Variants in INTS1 observed in about 807,000 individuals in gnomAD.
INTS1 encodes integrator complex subunit 1.
Under a neutral mutation model 241.6 loss-of-function variants are expected in INTS1, and 137 were observed. The ratio of observed to expected loss-of-function variants is 0.57; its 90% CI spans 0.49 to 0.65. The LOEUF is 0.65. Among genes scored for constraint, INTS1 ranks in the 30% least tolerant of loss-of-function variants. The probability of loss-of-function intolerance (pLI) is 0.00; values close to 1 mark genes in which losing one functional copy is unlikely to be tolerated. For missense variants in INTS1, 3,073 were observed against 3,032.2 expected (o/e 1.01, Z -0.32); for synonymous variants, 1,692 against 1,337.8 (o/e 1.26, Z -5.78).
chr7:1,490,590 G>C (rs1008954959), intron 16 of INTS1, among the ~76,000 whole-genome samples: 1 of 152,242 alleles, frequency 6.6e-6, no homozygotes, highest in Non-Finnish European at 1.5e-5. Context: ...TCTGGATAAA[G>C]GGAAATCCTC....
At position 1,470,337 on chromosome 7, in the gene INTS1, C is replaced by CCG. The variant is rs1468648601; in HGVS notation, c.*238_*239dup. 3 of 476,370 alleles carry CCG rather than the reference C, an allele frequency of 6.3e-6. No homozygotes were observed. The highest frequency in any genetic ancestry group is 6.1e-5 in the African/African-American group (3 of 48,940). The allele number at this position is 476,370 out of a possible 1,614,324, so 29.5% of individuals were successfully genotyped here. A position where few individuals can be genotyped will look rare whatever the true frequency, so the allele number is the denominator to read the frequency against. Reference sequence around the variant, plus strand: ...GCCATGCCCGGGGGGATCCGCCGCTCCGCGGCAGGGCTGTGGCCCAGAAGG... The same window carrying CCG: ...GCCATGCCCGGGGGGATCCGCCGCTCCGCGCGGCAGGGCTGTGGCCCAGAAGG... On this transcript the variant is annotated 3_prime_UTR_variant, in exon 48 of 48. Transcript: ENST00000404767.
rs1584251059 is a variant in INTS1 at position 1,470,392 on chromosome 7, T to C, written c.*185A>G. On this transcript the variant is annotated 3_prime_UTR_variant, in exon 48 of 48. Transcript: ENST00000404767. ...TGAGGGCTTGCTGGACGGCCCCTGA[T>C]GCCAGCGGCCGGCCCGGAGCCACCC... 2 of 526,288 alleles carry C rather than the reference T, an allele frequency of 3.8e-6. No individual in the cohort carries two copies. Among genetic ancestry groups the C allele is most frequent in the African/African-American group, 4.0e-5 (2 of 49,932 alleles). The allele number at this position is 526,288 out of a possible 1,614,324, so 32.6% of individuals were successfully genotyped here. A position where few individuals can be genotyped will look rare whatever the true frequency, so the allele number is the denominator to read the frequency against.
intron 16 of INTS1, among the ~76,000 whole-genome samples, chr7:1,492,676 C>T (rs1347978559): frequency 2.0e-5 from 3 of 152,206 alleles, no homozygotes; most frequent in Non-Finnish European, 4.4e-5. Flanking sequence ...AAAGGTATGA[C>T]TGAGCTGGAG....
intron 41 of INTS1, 48 bp from the exon 42 acceptor site, chr7:1,473,741 A>G (rs772644452): frequency 6.2e-7 from 1 of 1,607,912 alleles, no homozygotes; most frequent in South Asian, 1.1e-5. Context: ...CCGCAGGGCC[A>G]AAACAGAGCC....
Position 1,493,692 on chromosome 7 carries a change from G to A in INTS1, c.2068+62C>T. On this transcript the variant is annotated intron_variant, in intron 15 of 47. Transcript: ENST00000404767. The surrounding 1 kb of genome is among the most constrained non-coding windows in gnomAD (Gnocchi z 5.3). The stretch of plus-strand genomic sequence containing the variant: ...CCCCAGAGGTGCGTGCCAGAGCCGG[G>A]GTTTCTGCAGGGACGAGGGGAGCAG... The A allele has an allele frequency of 1.3e-6, 2 of 1,503,246 alleles. No homozygotes were observed. Among genetic ancestry groups the A allele is most frequent in the South Asian group, 1.3e-5 (1 of 78,128 alleles). The allele number at this position is 1,503,246 out of a possible 1,614,324, so 93.1% of individuals were successfully genotyped here.
intron 17 of INTS1, 37 bp from the exon 18 acceptor site, chr7:1,489,441 C>T: frequency 6.3e-7 from 1 of 1,591,332 alleles, no homozygotes; most frequent in African/African-American, 1.3e-5. Context: ...GCCAGGCTCC[C>T]CTGGGCACCA....
intron 43 of INTS1, among the ~76,000 whole-genome samples, chr7:1,472,755 CA>C (rs1781528982): frequency 7.6e-6 from 1 of 131,248 alleles, no homozygotes; most frequent in Non-Finnish European, 1.6e-5. Context: ...CCAGTAGGAC[CA>C]GGGGAGGCTT....
At chr7:1,485,265 C>T in intron 23 of INTS1, 25 bp downstream of exon 23, 2 of 1,597,912 alleles carry the variant, frequency 1.3e-6, no homozygotes, top group South Asian at 1.1e-5. Context: ...TCTTTCCCTG[C>T]CGCGGCCCCG....
In INTS1 at chr7:1,476,571, T is replaced by G; in HGVS notation, c.5150A>C (p.Gln1717Pro). The change falls in exon 37 of 48, where the codon CAG becomes CCG. Residue 1717 changes from glutamine (Q) to proline (P), a missense_variant and splice_region_variant. Transcript: ENST00000404767. ...IWQGRDQRTPQKRREELVLRV... is the reference protein window; with the variant it reads ...IWQGRDQRTPPKRREELVLRV... ...ATGGGCCACCCTCCCAAGACCTGCC[T>G]GCGGGGTGCGCTGGTCCCGCCCCTG... 1 of 1,465,456 alleles carries G rather than the reference T, an allele frequency of 6.8e-7. No individual in the cohort carries two copies. Among genetic ancestry groups the G allele is most frequent in the Non-Finnish European group, 9.1e-7 (1 of 1,102,786 alleles). The allele number at this position is 1,465,456 out of a possible 1,614,324, so 90.8% of individuals were successfully genotyped here. A position where few individuals can be genotyped will look rare whatever the true frequency, so the allele number is the denominator to read the frequency against.
At position 1,476,438 on chromosome 7, in the gene INTS1, C is replaced by A. The variant is rs1273654217; in HGVS notation, c.5169G>T (p.Leu1723=). Residue 1723 remains leucine (L), a synonymous_variant, in exon 38 of 48, where the codon CTG becomes CTT. Coordinates refer to ENST00000404767, the MANE Select transcript of INTS1 (RefSeq NM_001080453.3). ...GCTCCGGGCCCTGGACCCGCAGCAC[C>A]AGCTCCTCCCGCCGCTTCTGTAACG... ...QRTPQKRREE[L]VLRVQGPELI... The A allele has an allele frequency of 6.4e-7, 1 of 1,565,478 alleles. No homozygotes were observed. Among genetic ancestry groups the A allele is most frequent in the South Asian group, 1.1e-5 (1 of 87,144 alleles).
Position 1,472,467 on chromosome 7 carries a change from G to T in INTS1, c.6071-81C>A. The T allele has an allele frequency of 3.0e-6, 3 of 996,710 alleles. No individual in the cohort carries two copies. In the South Asian group the frequency reaches 5.0e-5, roughly 17 times the overall value. 61.7% of individuals were successfully genotyped at this position (996,710 alleles called of 1,614,324 possible). ...GAGGCACCAGGACCTGCCCTCCCGA[G>T]AGCACGGCGGCCACTGCCCAGGCTC... is the stretch of plus-strand genomic sequence containing the variant. On this transcript the variant is annotated intron_variant, in intron 43 of 47. Coordinates refer to ENST00000404767, the MANE Select transcript of INTS1 (RefSeq NM_001080453.3).
rs146465815 is a variant in INTS1 at position 1,494,153 on chromosome 7, T to C, written c.1911-242A>G. Among the ~76,000 whole-genome samples, 1,241 of 152,252 alleles carry C rather than the reference T, an allele frequency of 8.2e-3. 9 individuals are homozygous for C. Among genetic ancestry groups the C allele is most frequent in the Middle Eastern group, 0.02 (6 of 294 alleles). The stretch of plus-strand genomic sequence containing the variant: ...ACCCCCACCCCAAGGCCTTTGGGGA[T>C]ACACACACAGTCACTGGTTCCTACA... On this transcript the variant is annotated intron_variant, in intron 14 of 47. Transcript: ENST00000404767.
chr7:1,483,907 G>C (rs1203523363), intron 25 of INTS1, 54 bp from the exon 26 acceptor site: 1 of 1,587,412 alleles, frequency 6.3e-7, no homozygotes, highest in African/African-American at 1.3e-5. Flanking sequence ...CTGAGCCAGC[G>C]CCGAGGGTAC....
intron 12 of INTS1, among the ~76,000 whole-genome samples, 159 bp downstream of exon 12, chr7:1,495,997 G>A (rs1293966970): frequency 6.6e-6 from 1 of 152,166 alleles, no homozygotes; most frequent in African/African-American, 2.4e-5. Context: ...GGACAGGAAC[G>A]GGGACGGCAG....
chr7:1,471,837 C>T (rs576400392), intron 44 of INTS1, 196 bp from the exon 45 acceptor site: 4 of 605,358 alleles, frequency 6.6e-6, no homozygotes, highest in Middle Eastern at 4.3e-4. Context: ...CTACTAGTGG[C>T]CTCCAAGGAG....
chr7:1,470,571 A>C lies in INTS1; in HGVS notation c.*6T>G. On this transcript the variant is annotated 3_prime_UTR_variant, in exon 48 of 48. Transcript: ENST00000404767. ...GGGGCTTGGAGGGGGGTCGGCTGCC[A>C]CAGGCTCACATCACGGCCTCCATAT... The C allele has an allele frequency of 1.3e-6, 2 of 1,546,870 alleles. No individual in the cohort carries two copies. Among genetic ancestry groups the C allele is most frequent in the Non-Finnish European group, 1.7e-6 (2 of 1,145,692 alleles).
intron 8 of INTS1, 56 bp from the exon 9 acceptor site, chr7:1,498,908 G>A (rs959913631): frequency 2.4e-5 from 37 of 1,542,968 alleles, no homozygotes; most frequent in African/African-American, 2.2e-4. Flanking sequence ...GGAAGACCAC[G>A]CTGTGGGGCC....
intron 16 of INTS1, among the ~76,000 whole-genome samples, chr7:1,490,972 C>T (rs1020112299): frequency 3.9e-5 from 6 of 152,220 alleles, no homozygotes; most frequent in Admixed American, 2.6e-4. Context: ...ACCGACAGGG[C>T]GCCAAGACGG....
Position 1,481,226 on chromosome 7 carries a change from C to A in INTS1, c.3850+116G>T. 1 of 1,214,838 alleles carries A rather than the reference C, an allele frequency of 8.2e-7. No individual in the cohort carries two copies. The highest frequency in any genetic ancestry group is 1.9e-5 in the Admixed American group (1 of 51,352). 75.3% of individuals were successfully genotyped at this position (1,214,838 alleles called of 1,614,324 possible). ...GTCTAAGCCTGCCCTCGAGTGCCACCCACACCCACCCGACCTCGGATCACC... is the reference window on the plus strand; with the variant it reads ...GTCTAAGCCTGCCCTCGAGTGCCACACACACCCACCCGACCTCGGATCACC... On this transcript the variant is annotated intron_variant, in intron 28 of 47. Transcript: ENST00000404767. This position sits in a 1 kb window ranked among gnomAD's most constrained non-coding sequence, Gnocchi z 6.8.
Sources: gnomAD v4.1 joint callset for allele counts (sites outside exome capture counted in the v4.1 genomes callset) on GRCh38, gnomAD v4.1.1 for gene constraint, Gnocchi (gnomAD v3.1) non-coding constraint, MANE v1.5 for transcripts, NCBI Gene and HGNC (gene_info 2026-07-23, HGNC 2026-07-21) for gene names.